Variants in RANBP2 observed in about 807,000 individuals in gnomAD.
The protein encoded by RANBP2 is E3 SUMO-protein ligase RanBP2.
In RANBP2, 57 loss-of-function variants were observed where a neutral mutation model predicts 303.6. The observed-to-expected ratio is 0.19, with a 90% CI of 0.15 to 0.23. The LOEUF (loss-of-function observed/expected upper bound fraction) is 0.23. RANBP2 is among the 10% of genes least tolerant of loss of function. The pLI is 1.00. For synonymous variants in RANBP2, 1,167 were observed against 1,301.5 expected, an observed-to-expected ratio of 0.90 and a Z score of 2.23; for missense variants, 3,138 against 3,780.8, an observed-to-expected ratio of 0.83 and a Z score of 4.46.
At chr2:109,240,661 A>C in the RANBP2 span, among the ~76,000 whole-genome samples, 1 of 152,062 alleles carries the variant, frequency 6.6e-6, no homozygotes. Flanking sequence ...GGATTATTTC[A>C]CACGAACCAG....
chr2:109,632,317 T>C, the RANBP2 span, among the ~76,000 whole-genome samples: 1 of 152,104 alleles, frequency 6.6e-6, no homozygotes, highest in Non-Finnish European at 1.5e-5. Flanking sequence ...ACTCCCAAAT[T>C]TGGAGTCAGA....
chr2:109,364,842 G>A, the RANBP2 span, among the ~76,000 whole-genome samples: 5 of 152,248 alleles, frequency 3.3e-5, no homozygotes, highest in African/African-American at 1.2e-4. Context: ...TGTACTCTCA[G>A]CACTTTGGGA....
the RANBP2 span, among the ~76,000 whole-genome samples, chr2:108,991,281 A>C: frequency 1.3e-5 from 2 of 152,218 alleles, no homozygotes; most frequent in African/African-American, 4.8e-5. Context: ...GAAATGAGAA[A>C]TCATTGCTTA....
rs1229672264 is a variant in RANBP2, at chr2:108,782,790, A to G, written c.9297A>G (p.Leu3099=). 13 of 1,614,104 alleles carry G rather than the reference A, an allele frequency of 8.1e-6. No individual in the cohort carries two copies. In the East Asian group the frequency reaches 8.9e-5, roughly 11 times the overall value. ...VPRTAENFRA[L]CTGEKGFGFK... is the part of the protein sequence containing the mutation. ...GGACTGCTGAGAACTTCAGAGCACT[A>G]TGCACTGGAGAGAAAGGCTTTGGTT... Residue 3099 remains leucine, a synonymous_variant, in exon 28 of 29, where the codon CTA becomes CTG. Transcript: ENST00000283195.
chr2:108,950,154 T>C, the RANBP2 span, among the ~76,000 whole-genome samples: 1 of 152,222 alleles, frequency 6.6e-6, no homozygotes, highest in Admixed American at 6.5e-5. Context: ...GCAGAACAGA[T>C]GACAGCCATC....
At chr2:109,670,134 C>A in the RANBP2 span, among the ~76,000 whole-genome samples, 1,236 of 152,298 alleles carry the variant, frequency 8.1e-3, 8 homozygotes, top group Non-Finnish European at 0.013. Context: ...TGGGCTACAG[C>A]TGCAGAAGAG....
the RANBP2 span, chr2:108,930,122 G>C: frequency 1.9e-6 from 3 of 1,613,450 alleles, no homozygotes; most frequent in Non-Finnish European, 2.5e-6. Context: ...GTCCTTACCA[G>C]GTAGGGCTCC....
At chr2:108,752,547 C>A (rs536996221) in intron 12 of RANBP2, among the ~76,000 whole-genome samples, 174 of 143,830 alleles carry the variant, frequency 1.2e-3, no homozygotes, top group African/African-American at 4.4e-3. Flanking sequence ...CCGAGGCGGG[C>A]AGATCACAAG....
the RANBP2 span, among the ~76,000 whole-genome samples, chr2:108,822,477 T>C: frequency 2.5e-4 from 38 of 152,304 alleles, no homozygotes; most frequent in Non-Finnish European, 2.9e-5. Context: ...CAGAACACTC[T>C]ACCCAACAAC....
chr2:109,067,495 G>A, the RANBP2 span, among the ~76,000 whole-genome samples: 1 of 152,330 alleles, frequency 6.6e-6, no homozygotes, highest in Non-Finnish European at 1.5e-5. Flanking sequence ...GGTCTCGGGA[G>A]TTCTCCCAGC....
the RANBP2 span, among the ~76,000 whole-genome samples, chr2:109,610,114 G>A: frequency 6.8e-6 from 1 of 147,934 alleles, no homozygotes; most frequent in African/African-American, 2.6e-5. Flanking sequence ...TTTTTAGACA[G>A]AGTCTCACTC....
chr2:109,543,626 A>G, the RANBP2 span: 1 of 152,302 alleles, frequency 6.6e-6, no homozygotes, highest in African/African-American at 2.4e-5. Flanking sequence ...ATATAAATGT[A>G]ATCAGATAGC....
At chr2:108,790,656 G>A (rs113822570), downstream of RANBP2, among the ~76,000 whole-genome samples, 161 of 152,296 alleles carry the variant, frequency 1.1e-3, no homozygotes, top group African/African-American at 3.6e-3. Flanking sequence ...AGCCGAGATC[G>A]CGCCACTGCA....
At chr2:109,626,122 T>C in the RANBP2 span, among the ~76,000 whole-genome samples, 1,149 of 152,302 alleles carry the variant, frequency 7.5e-3, 13 homozygotes, top group African/African-American at 0.024. Context: ...AACCTTCCTG[T>C]TCGTCCCTAT....
chr2:109,369,845 C>A, the RANBP2 span, among the ~76,000 whole-genome samples: 1 of 152,220 alleles, frequency 6.6e-6, no homozygotes, highest in East Asian at 1.9e-4. Context: ...CCCCACCAGC[C>A]TAAAACATCT....
At chr2:109,585,781 G>A in the RANBP2 span, 13 of 1,613,376 alleles carry the variant, frequency 8.1e-6, no homozygotes, top group Non-Finnish European at 1.0e-5. Context: ...AGCTGATCAG[G>A]CAAACTCTCA....
chr2:109,210,445 T>A, the RANBP2 span, among the ~76,000 whole-genome samples: 1 of 152,236 alleles, frequency 6.6e-6, no homozygotes, highest in Non-Finnish European at 1.5e-5. Flanking sequence ...ACATGTTGTT[T>A]TCAGAGTTGC....
the RANBP2 span, among the ~76,000 whole-genome samples, chr2:109,085,053 C>T: frequency 1.3e-5 from 2 of 152,142 alleles, no homozygotes; most frequent in Non-Finnish European, 2.9e-5. Context: ...GCCTGTATTG[C>T]TGAACAACAC....
intron 18 of RANBP2, 50 bp from the exon 19 acceptor site, chr2:108,762,051 G>T (rs773490660): frequency 1.3e-6 from 2 of 1,593,796 alleles, no homozygotes; most frequent in African/African-American, 2.7e-5. Context: ...AGTCTTAACT[G>T]TAGTATAGAC....
Sources: allele counts gnomAD v4.1 joint callset (sites outside exome capture counted in the v4.1 genomes callset), GRCh38; gene constraint gnomAD v4.1.1; transcripts MANE v1.5; gene names NCBI Gene and HGNC (gene_info 2026-07-23, HGNC 2026-07-21).